The following MRPS27 variants were observed in gnomAD, a reference collection of about 807,000 sequenced individuals.
The protein encoded by MRPS27 is mitochondrial ribosomal protein S27.
Under a neutral mutation model 48.9 loss-of-function variants are expected in MRPS27, and 43 were observed. The observed-to-expected ratio is 0.88, with a 90% CI of 0.69 to 1.13. The LOEUF (loss-of-function observed/expected upper bound fraction) is 1.13, where lower values mean the gene tolerates loss of function less well. MRPS27 is among the 50% of genes most tolerant of loss of function. The pLI is 0.00. For synonymous variants in MRPS27, 188 were observed against 171.9 expected, an observed-to-expected ratio of 1.09 and a Z score of -0.73; for missense variants, 467 against 476.3, an observed-to-expected ratio of 0.98 and a Z score of 0.18.
In MRPS27 at chr5:72,276,888, A is replaced by T. The variant is rs539878871; in HGVS notation, c.281+18643T>A. Among the ~76,000 whole-genome samples the T allele has an allele frequency of 1.3e-4, 20 of 152,176 alleles. 1 individual carries two copies. The highest frequency in any genetic ancestry group is 7.8e-4 in the Admixed American group (12 of 15,296). On this transcript the variant is annotated intron_variant, in intron 4 of 10. Coordinates refer to ENST00000261413, the MANE Select transcript of MRPS27 (RefSeq NM_015084.3). ...CTACTAAAAATACAAAAAATTAGCC[A>T]GGCGTGGTGACGGGCACCTGTAGTC...
At chr5:72,318,553 G>C (rs574424885) in intron 1 of MRPS27, among the ~76,000 whole-genome samples, 1 of 152,362 alleles carries the variant, frequency 6.6e-6, no homozygotes, top group East Asian at 1.9e-4. Flanking sequence ...CCAGCACCTT[G>C]GGAAGTAGAG....
chr5:72,227,729 G>T (rs1381441909), intron 8 of MRPS27: 1 of 152,994 alleles, frequency 6.5e-6, no homozygotes, highest in African/African-American at 2.4e-5. Flanking sequence ...ATGCAATCAG[G>T]GCACAAGAGG....
rs74603404 is a variant in MRPS27, at chr5:72,244,852, C to A, written c.282-6724G>T. ...CTGATACAGAAAAAATACCTATAGA[C>A]AGACTGTAAGCTCTGCTGCTCTCTC... On this transcript the variant is annotated intron_variant, in intron 4 of 10. Transcript: ENST00000261413. 7.4e-5 allele frequency among the ~76,000 whole-genome samples: 11 copies of A among 148,800 alleles called. No homozygotes were observed. The East Asian group carries it at 2.1e-3, about 29-fold the overall frequency.
At chr5:72,300,018 T>C (rs915400823) in intron 2 of MRPS27, among the ~76,000 whole-genome samples, 1 of 152,226 alleles carries the variant, frequency 6.6e-6, no homozygotes, top group Non-Finnish European at 1.5e-5. Context: ...CCTACCATTA[T>C]GGCTCCTTTT....
chr5:72,306,054 A>G (rs1750258084), intron 2 of MRPS27, among the ~76,000 whole-genome samples: 1 of 152,218 alleles, frequency 6.6e-6, no homozygotes, highest in Non-Finnish European at 1.5e-5. Flanking sequence ...TATCAACAGC[A>G]ATGGATTAAA....
At chr5:72,257,674 T>C (rs1428068529) in intron 4 of MRPS27, among the ~76,000 whole-genome samples, 2 of 152,208 alleles carry the variant, frequency 1.3e-5, no homozygotes, top group African/African-American at 2.4e-5. Flanking sequence ...TTAGGGTGGA[T>C]TGCAGACGTG....
At chr5:72,230,515 C>A (rs1748032135) in intron 7 of MRPS27, among the ~76,000 whole-genome samples, 1 of 152,060 alleles carries the variant, frequency 6.6e-6, no homozygotes, top group African/African-American at 2.4e-5. Context: ...CTTACCCTAC[C>A]CCTTTGGAAG....
intron 2 of MRPS27, among the ~76,000 whole-genome samples, chr5:72,301,911 G>A (rs1414113695): frequency 6.6e-6 from 1 of 152,194 alleles, no homozygotes. Context: ...TGGACTGTGG[G>A]CTTCCACAGT....
At chr5:72,272,788 G>C (rs558855241) in intron 4 of MRPS27, among the ~76,000 whole-genome samples, 3 of 152,252 alleles carry the variant, frequency 2.0e-5, no homozygotes, top group African/African-American at 7.2e-5. Context: ...GACTACAACA[G>C]AAACTGTGTG....
intron 5 of MRPS27, among the ~76,000 whole-genome samples, chr5:72,236,776 T>G (rs1029060530): frequency 1.3e-5 from 2 of 152,168 alleles, no homozygotes; most frequent in African/African-American, 4.8e-5. Context: ...TAATACTGTT[T>G]CTGCCAGCCC....
intron 4 of MRPS27, among the ~76,000 whole-genome samples, chr5:72,276,892 G>A (rs57902546): frequency 0.063 from 9,620 of 152,012 alleles, 544 homozygotes; most frequent in African/African-American, 0.15. Flanking sequence ...TTAGCCAGGC[G>A]TGGTGACGGG....
At chr5:72,320,094 T>C in intron 1 of MRPS27, 55 bp downstream of exon 1, 1 of 1,567,896 alleles carries the variant, frequency 6.4e-7, no homozygotes, top group Non-Finnish European at 8.8e-7. Flanking sequence ...AGCCCACCGC[T>C]CCCTTCACCC....
At position 72,228,348 on chromosome 5, in the gene MRPS27, A is replaced by G; in HGVS notation, c.612T>C (p.Phe204=). The stretch of plus-strand genomic sequence containing the variant: ...GGCCTGGAAGCAAAAGGGATGCACC[A>G]AAGTTCCTCTCCTCTTCCCACTGCA... ...TDFSWEEERN[F]GASLLLPGLK... Residue 204 remains phenylalanine (F), a synonymous_variant, in exon 8 of 11, where the codon TTT becomes TTC. Coordinates refer to ENST00000261413, the MANE Select transcript of MRPS27 (RefSeq NM_015084.3). 6 of 1,613,184 alleles carry G rather than the reference A, an allele frequency of 3.7e-6. No individual in the cohort carries two copies. The highest frequency in any genetic ancestry group is 5.1e-6 in the Non-Finnish European group (6 of 1,179,446).
At chr5:72,244,896 T>C (rs1031794450) in intron 4 of MRPS27, among the ~76,000 whole-genome samples, 2 of 152,114 alleles carry the variant, frequency 1.3e-5, no homozygotes, top group Non-Finnish European at 2.9e-5. Context: ...TCTCTCTTAC[T>C]TTCATGGTAC....
chr5:72,305,364 GAAATATTCATGC>G (rs1309092627), intron 2 of MRPS27, among the ~76,000 whole-genome samples: 1 of 152,284 alleles, frequency 6.6e-6, no homozygotes, highest in East Asian at 1.9e-4. Flanking sequence ...AGCAGGATCT[GAAATATTCATGC>G]AAAAAGCCAA....
At chr5:72,279,055 C>T (rs1749463262) in intron 4 of MRPS27, among the ~76,000 whole-genome samples, 1 of 152,164 alleles carries the variant, frequency 6.6e-6, no homozygotes, top group South Asian at 2.1e-4. Flanking sequence ...TCTTTTACTT[C>T]ATATTGCCAA....
intron 4 of MRPS27, among the ~76,000 whole-genome samples, chr5:72,285,972 G>C (rs547180662): frequency 6.6e-6 from 1 of 152,252 alleles, no homozygotes; most frequent in South Asian, 2.1e-4. Flanking sequence ...TTACAGACAC[G>C]AATCCGTCCT....
At chr5:72,303,882 C>CAAAAA (rs397818748) in intron 2 of MRPS27, among the ~76,000 whole-genome samples, 347 of 68,930 alleles carry the variant, frequency 5.0e-3, no homozygotes, top group African/African-American at 6.2e-3. Context: ...GACCTCATCT[C>CAAAAA]AAAAAAAAAA....
intron 3 of MRPS27, among the ~76,000 whole-genome samples, chr5:72,296,512 G>C (rs542129327): frequency 6.6e-6 from 1 of 152,268 alleles, no homozygotes; most frequent in Admixed American, 6.5e-5. Flanking sequence ...CACTGGCCTC[G>C]AAGAGTATAA....
Sources: gnomAD v4.1 joint callset for allele counts (sites outside exome capture counted in the v4.1 genomes callset) on GRCh38, gnomAD v4.1.1 for gene constraint, MANE v1.5 for transcripts, NCBI Gene and HGNC (gene_info 2026-07-23, HGNC 2026-07-21) for gene names.